Variants in NRG1 observed in about 807,000 individuals in gnomAD.
NRG1 encodes the protein pro-neuregulin-1, membrane-bound isoform.
In NRG1, 18 loss-of-function variants were observed where a neutral mutation model predicts 63.8. That is an observed-to-expected ratio of 0.28 (90% CI 0.19 to 0.42). The LOEUF (loss-of-function observed/expected upper bound fraction) is 0.42, where lower values mean the gene tolerates loss of function less well. NRG1 is among the 10% of genes least tolerant of loss of function. The pLI, the probability that NRG1 is intolerant of heterozygous loss-of-function variation, is 1.00. For synonymous variants in NRG1, 302 were observed against 301.3 expected (o/e 1.00, Z -0.02); for missense variants, 762 against 814.7 (o/e 0.94, Z 0.79).
At chr8:31,952,973 TA>T (rs1803718086) in intron 1 of NRG1, among the ~76,000 whole-genome samples, 1 of 152,318 alleles carries the variant, frequency 6.6e-6, no homozygotes, top group Non-Finnish European at 1.5e-5. Context: ...TTATTTGCAT[TA>T]AAAAATGTTT....
chr8:32,186,555 C>T (rs1342281471), intron 1 of NRG1, among the ~76,000 whole-genome samples: 1 of 151,602 alleles, frequency 6.6e-6, no homozygotes, highest in African/African-American at 2.4e-5. Context: ...ACACATATTA[C>T]AGTTCAGCCC....
At chr8:32,510,122 A>AATAATAATC (rs1554566691) in intron 1 of NRG1, among the ~76,000 whole-genome samples, 1 of 116,796 alleles carries the variant, frequency 8.6e-6, no homozygotes, top group African/African-American at 2.9e-5. Context: ...TAATAATAAT[A>AATAATAATC]ATAATCATAA....
intron 1 of NRG1, among the ~76,000 whole-genome samples, chr8:31,717,095 G>A (rs1812420421): frequency 6.6e-6 from 1 of 152,192 alleles, no homozygotes; most frequent in South Asian, 2.1e-4. Flanking sequence ...AGAAAATTAA[G>A]TATTGATGAT....
chr8:32,316,754 C>T (rs1857442244), intron 1 of NRG1, among the ~76,000 whole-genome samples: 2 of 152,084 alleles, frequency 1.3e-5, no homozygotes, highest in Non-Finnish European at 2.9e-5. Context: ...ATTAACAGAT[C>T]TCCTCTTTCA....
chr8:32,480,242 A>T (rs570063977), intron 1 of NRG1, among the ~76,000 whole-genome samples: 2 of 152,028 alleles, frequency 1.3e-5, no homozygotes, highest in African/African-American at 4.8e-5. Flanking sequence ...TGTGGAATCT[A>T]AAAAAAAGTC....
intron 1 of NRG1, among the ~76,000 whole-genome samples, chr8:32,056,728 A>G (rs911954523): frequency 1.3e-5 from 2 of 152,208 alleles, no homozygotes; most frequent in Non-Finnish European, 2.9e-5. Flanking sequence ...TGAAGTGGCA[A>G]AAATGCCAAG....
chr8:31,670,823 T>C (rs2130996065), intron 1 of NRG1, among the ~76,000 whole-genome samples: 1 of 152,230 alleles, frequency 6.6e-6, no homozygotes, highest in South Asian at 2.1e-4. Context: ...TTATATTATG[T>C]TCAAGGGGGT....
At chr8:32,374,638 C>T (rs1002703260) in intron 1 of NRG1, among the ~76,000 whole-genome samples, 1 of 152,182 alleles carries the variant, frequency 6.6e-6, no homozygotes, top group Non-Finnish European at 1.5e-5. Context: ...TCTTCACCTC[C>T]AGGGCCTTCT....
intron 5 of NRG1, among the ~76,000 whole-genome samples, chr8:32,619,666 A>G (rs1588739704): frequency 6.6e-6 from 1 of 152,332 alleles, no homozygotes. Flanking sequence ...GAGAAAGAGA[A>G]AAGCCATAGG....
At chr8:31,983,402 G>A (rs1027300954) in intron 1 of NRG1, among the ~76,000 whole-genome samples, 13 of 151,968 alleles carry the variant, frequency 8.6e-5, no homozygotes, top group Non-Finnish European at 1.8e-4. Flanking sequence ...TTTTGAGACA[G>A]GATCTCACTC....
chr8:32,124,719 A>G (rs2131581790), intron 1 of NRG1, among the ~76,000 whole-genome samples: 1 of 151,944 alleles, frequency 6.6e-6, no homozygotes, highest in African/African-American at 2.4e-5. Context: ...TTTCCTTTCC[A>G]GTAAACTTCT....
At chr8:31,806,903 T>C (rs1343651916) in intron 1 of NRG1, among the ~76,000 whole-genome samples, 7 of 152,202 alleles carry the variant, frequency 4.6e-5, no homozygotes, top group African/African-American at 1.7e-4. Flanking sequence ...AGAGTTTTAT[T>C]TTTGGAACAA....
intron 1 of NRG1, among the ~76,000 whole-genome samples, chr8:31,706,327 A>AT (rs1298758413): frequency 6.6e-6 from 1 of 152,012 alleles, no homozygotes; most frequent in Non-Finnish European, 1.5e-5. Flanking sequence ...TTGCCTCTTG[A>AT]TTTTTTTCTT....
chr8:32,710,385 C>T (rs1400639289), intron 5 of NRG1, among the ~76,000 whole-genome samples: 24 of 152,042 alleles, frequency 1.6e-4, no homozygotes, highest in African/African-American at 4.8e-4. Context: ...TTTTGCATTG[C>T]GGTCAATCAG....
At chr8:32,403,299 C>CAAAAAA in intron 1 of NRG1, among the ~76,000 whole-genome samples, 1 of 89,794 alleles carries the variant, frequency 1.1e-5, no homozygotes, top group South Asian at 3.9e-4. Context: ...CACTCTGTCT[C>CAAAAAA]AAAAAAAAAA....
At chr8:32,367,172 T>C (rs1177113505) in intron 1 of NRG1, among the ~76,000 whole-genome samples, 1 of 152,198 alleles carries the variant, frequency 6.6e-6, no homozygotes, top group Non-Finnish European at 1.5e-5. Context: ...GTTTGCTACA[T>C]GATATGATAG....
At chr8:31,902,362 G>C (rs570318276) in intron 1 of NRG1, among the ~76,000 whole-genome samples, 1 of 152,082 alleles carries the variant, frequency 6.6e-6, no homozygotes. Flanking sequence ...TAATAAGGTT[G>C]GATTTATTAA....
Position 31,764,662 on chromosome 8 carries a change from G to A in NRG1, c.37+125231G>A, listed in dbSNP as rs75556606. 1.4e-4 allele frequency among the ~76,000 whole-genome samples: 22 copies of A among 152,108 alleles called. 1 individual carries two copies. In the East Asian group the frequency reaches 2.9e-3, roughly 20 times the overall value. On this transcript the variant is annotated intron_variant, in intron 1 of 10. Transcript: ENST00000519301. Reference sequence around the variant, plus strand: ...TGTTAAACTTGTAATGTCAATTATGGGAGAATTTACATGTTTTTTATGTAG... The same window carrying A: ...TGTTAAACTTGTAATGTCAATTATGAGAGAATTTACATGTTTTTTATGTAG...
chr8:32,305,675 TG>T (rs1460569608), intron 1 of NRG1, among the ~76,000 whole-genome samples: 6 of 152,348 alleles, frequency 3.9e-5, no homozygotes, highest in Admixed American at 2.0e-4. Context: ...TCTCACAGGA[TG>T]TTCACCCAGT....
Sources: allele counts gnomAD v4.1 joint callset (sites outside exome capture counted in the v4.1 genomes callset), GRCh38; gene constraint gnomAD v4.1.1; transcripts MANE v1.5; gene names NCBI Gene and HGNC (gene_info 2026-07-23, HGNC 2026-07-21).